Variants in B9D1 observed in about 807,000 individuals in gnomAD.
B9D1 encodes B9 domain containing 1, also known as B9 domain-containing protein 1.
Under a neutral mutation model 26.1 loss-of-function variants are expected in B9D1, and 20 were observed. The ratio of observed to expected loss-of-function variants is 0.77; its 90% CI spans 0.54 to 1.12. The LOEUF is 1.12. B9D1 is among the 50% of genes most tolerant of loss of function. The pLI, the probability that B9D1 is intolerant of heterozygous loss-of-function variation, is 0.00. For missense variants in B9D1, 260 were observed against 273.7 expected, an observed-to-expected ratio of 0.95 and a Z score of 0.35; for synonymous variants, 105 against 103.1, an observed-to-expected ratio of 1.02 and a Z score of -0.11.
rs537877654 is a variant in B9D1 at position 19,372,076 on chromosome 17, G to A, written c.-298+5783C>T. 13 of 152,380 alleles carry A rather than the reference G, an allele frequency of 8.5e-5. No homozygotes were observed. Among genetic ancestry groups the A allele is most frequent in the African/African-American group, 2.6e-4 (11 of 41,576 alleles). 9.4% of individuals were successfully genotyped at this position (152,380 alleles called of 1,614,324 possible). A position where few individuals can be genotyped will look rare whatever the true frequency, so the allele number is the denominator to read the frequency against. On this transcript the variant is annotated intron_variant, in intron 1 of 5. Transcript: ENST00000477478. This position sits in a 1 kb window ranked among gnomAD's most constrained non-coding sequence, Gnocchi z 4.4. The stretch of plus-strand genomic sequence containing the variant: ...AACCAGGGACAATGATGCATCACCC[G>A]AGTCCCCCTCAGAGAAAGATGAAGG...
chr17:19,357,436 A>G, intron 3 of B9D1: 1 of 298,874 alleles, frequency 3.3e-6, no homozygotes, highest in South Asian at 3.3e-5. Flanking sequence ...AGATGAAGAA[A>G]GTTGAGGGAC....
chr17:19,353,566 GGA>G (rs1159009726), intron 3 of B9D1, among the ~76,000 whole-genome samples: 1 of 152,056 alleles, frequency 6.6e-6, no homozygotes, highest in Non-Finnish European at 1.5e-5. Context: ...TTTGAACCCG[GGA>G]GGCAGGTTTG....
At chr17:19,338,938 G>T (rs1475061030), downstream of B9D1, among the ~76,000 whole-genome samples, 1 of 152,180 alleles carries the variant, frequency 6.6e-6, no homozygotes, top group South Asian at 2.1e-4. Context: ...ACACAGCAAT[G>T]GACAACTCAA....
chr17:19,358,686 T>G (rs911334502), intron 2 of B9D1, among the ~76,000 whole-genome samples: 1 of 152,194 alleles, frequency 6.6e-6, no homozygotes, highest in African/African-American at 2.4e-5. Flanking sequence ...TCTTGCTGGT[T>G]CCTTCTCAGT....
chr17:19,344,499 A>C, intron 5 of B9D1: 1 of 277,562 alleles, frequency 3.6e-6, no homozygotes, highest in Non-Finnish European at 7.5e-6. Context: ...CGGGGGTGTC[A>C]GGCCCCGCCG....
intron 5 of B9D1, chr17:19,346,812 C>G (rs1283738844): frequency 3.7e-5 from 35 of 937,804 alleles, no homozygotes; most frequent in Admixed American, 6.7e-5. Context: ...AGGCACTGTT[C>G]CCTGTGCCTG....
chr17:19,345,823 G>A (rs1254948950), intron 5 of B9D1, among the ~76,000 whole-genome samples: 2 of 152,212 alleles, frequency 1.3e-5, no homozygotes, highest in African/African-American at 2.4e-5. Flanking sequence ...AGGATGTGGG[G>A]AGAGGCTGGG....
At chr17:19,336,273 G>T, downstream of B9D1, 1 of 152,282 alleles carries the variant, frequency 6.6e-6, no homozygotes. Flanking sequence ...GAGGTGCAAT[G>T]GGATGGGAGG....
At chr17:19,357,492 G>A (rs556652931) in intron 3 of B9D1, 6 of 382,214 alleles carry the variant, frequency 1.6e-5, no homozygotes, top group Admixed American at 3.7e-5. Context: ...AACACAACAC[G>A]CCATGGGAAG....
At position 19,362,521 on chromosome 17, in the gene B9D1, C is replaced by T. The variant is rs758139304; in HGVS notation, c.49G>A (p.Val17Met). The change falls in exon 1 of 7, where the codon GTG becomes ATG. Residue 17 changes from valine (V) to methionine (M), a missense_variant. By Grantham distance (21) the Val-to-Met change is conservative. Coordinates refer to ENST00000261499, the MANE Select transcript of B9D1 (RefSeq NM_015681.6). ...CGGCCGCTCACCTGGGCGCTCTCCACCTGCCCGTTGACCATGAGTAGAAAG... is the reference window on the plus strand; with the variant it reads ...CGGCCGCTCACCTGGGCGCTCTCCATCTGCCCGTTGACCATGAGTAGAAAG... ...SVFLLMVNGQ[V>M]ESAQFPEYDD... The T allele has an allele frequency of 1.9e-6, 3 of 1,577,752 alleles. No individual in the cohort carries two copies. Among genetic ancestry groups the T allele is most frequent in the Admixed American group, 1.8e-5 (1 of 55,232 alleles).
chr17:19,362,971 G>A, upstream of B9D1: 2 of 302,910 alleles, frequency 6.6e-6, no homozygotes, highest in Admixed American at 4.3e-5. Context: ...GTCCTGGGGA[G>A]CAGCGCTCCG....
At chr17:19,353,594 G>A (rs943524445) in intron 3 of B9D1, among the ~76,000 whole-genome samples, 5 of 151,760 alleles carry the variant, frequency 3.3e-5, no homozygotes, top group Admixed American at 6.6e-5. Flanking sequence ...AGCCAAGACC[G>A]CCCGCCATTG....
At position 19,347,247 on chromosome 17, in the gene B9D1, G is replaced by C. The variant is rs1439262540; in HGVS notation, c.404+22C>G. On this transcript the variant is annotated intron_variant, in intron 5 of 6. Coordinates refer to ENST00000261499, the MANE Select transcript of B9D1 (RefSeq NM_015681.6). This position sits in a 1 kb window ranked among gnomAD's most constrained non-coding sequence, Gnocchi z 4.3. ...TCATCCAGTAGATCAGGAGGGGCTG[G>C]GGTTATGGGTACAAAACTCACCTTG... The C allele has an allele frequency of 6.2e-7, 1 of 1,614,210 alleles. No homozygotes were observed. Among genetic ancestry groups the C allele is most frequent in the Admixed American group, 1.7e-5 (1 of 60,028 alleles).
chr17:19,356,248 T>C (rs973475121), intron 3 of B9D1, among the ~76,000 whole-genome samples: 1 of 152,014 alleles, frequency 6.6e-6, no homozygotes, highest in Non-Finnish European at 1.5e-5. Flanking sequence ...CCCACCCCCA[T>C]GCCAAGCTAA....
chr17:19,357,504 C>T, intron 3 of B9D1: 1 of 397,250 alleles, frequency 2.5e-6, no homozygotes, highest in South Asian at 2.2e-5. Context: ...CATGGGAAGT[C>T]AGCAGGCACA....
At chr17:19,337,589 A>G, downstream of B9D1, 2 of 857,112 alleles carry the variant, frequency 2.3e-6, no homozygotes, top group Admixed American at 4.2e-5. Context: ...GACAGGAGAG[A>G]AAGAAGGGTG....
intron 5 of B9D1, chr17:19,344,508 C>A (rs763348089): frequency 3.6e-6 from 1 of 280,110 alleles, no homozygotes; most frequent in Non-Finnish European, 7.4e-6. Context: ...CAGGCCCCGC[C>A]GCCGACACAC....
At chr17:19,341,808 C>G (rs1907998319), downstream of B9D1, among the ~76,000 whole-genome samples, 1 of 152,108 alleles carries the variant, frequency 6.6e-6, no homozygotes, top group Non-Finnish European at 1.5e-5. Flanking sequence ...GGATGGAGGG[C>G]ACTATGGGAA....
chr17:19,345,010 G>A (rs1467112630), intron 5 of B9D1, among the ~76,000 whole-genome samples: 1 of 152,260 alleles, frequency 6.6e-6, no homozygotes, highest in Non-Finnish European at 1.5e-5. Flanking sequence ...GGGCCTGGGA[G>A]CATCCCCACT....
Sources: gnomAD v4.1 joint callset for allele counts (sites outside exome capture counted in the v4.1 genomes callset) on GRCh38, gnomAD v4.1.1 for gene constraint, Gnocchi (gnomAD v3.1) non-coding constraint, MANE v1.5 for transcripts, NCBI Gene and HGNC (gene_info 2026-07-23, HGNC 2026-07-21) for gene names.